Variants in CCDC158 observed in about 807,000 individuals in gnomAD.
The protein encoded by CCDC158 is coiled-coil domain-containing protein 158.
A neutral mutation model predicts 138.6 loss-of-function variants in CCDC158; 116 were observed. That is an observed-to-expected ratio of 0.84 (90% CI 0.72 to 0.98). The LOEUF (loss-of-function observed/expected upper bound fraction) is 0.98, where lower values mean the gene tolerates loss of function less well. Among genes scored for constraint, CCDC158 ranks in the 50% least tolerant of loss-of-function variants. CCDC158 has a pLI of 0.00. For synonymous variants in CCDC158, 436 were observed against 442.4 expected, an observed-to-expected ratio of 0.99 and a Z score of 0.18; for missense variants, 1,265 against 1,306.1, an observed-to-expected ratio of 0.97 and a Z score of 0.48.
In CCDC158 at chr4:76,362,305, T is replaced by C. The variant is rs1404832329; in HGVS notation, c.1841A>G (p.Asp614Gly). 4 of 1,609,368 alleles carry C rather than the reference T, an allele frequency of 2.5e-6. No homozygotes were observed. The highest frequency in any genetic ancestry group is 3.4e-6 in the Non-Finnish European group (4 of 1,177,132). The change falls in exon 13 of 25, where the codon GAT becomes GGT. Residue 614 changes from aspartate to glycine, a missense_variant. Physicochemically the swap from Asp to Gly is moderately conservative, Grantham distance 94. Transcript: ENST00000682701. ...MELKELKILK[D>G]KKDAKIRELE... Reference sequence around the variant, plus strand: ...CTCCCGGATCTTTGCATCTTTTTTATCTTTTAATATCTAAATATATGGATA... The same window carrying C: ...CTCCCGGATCTTTGCATCTTTTTTACCTTTTAATATCTAAATATATGGATA...
At position 76,357,410 on chromosome 4, in the gene CCDC158, T is replaced by C. The variant is rs376840025; in HGVS notation, c.2137A>G (p.Asn713Asp). The change falls in exon 14 of 25, where the codon AAT becomes GAT. Residue 713 changes from asparagine (N) to aspartate (D), a missense_variant. Coordinates refer to ENST00000682701, the MANE Select transcript of CCDC158 (RefSeq NM_001394954.1). Reference sequence around the variant, plus strand: ...GATCCTTCCATTGACTTTAATGTATTTCTTGTCTGTTCTAGTTCAGACTGT... The same window carrying C: ...GATCCTTCCATTGACTTTAATGTATCTCTTGTCTGTTCTAGTTCAGACTGT... ...SAQSELEQTR[N>D]TLKSMEGSDG... 6 of 1,594,564 alleles carry C rather than the reference T, an allele frequency of 3.8e-6. No individual in the cohort carries two copies. The South Asian group carries it at 7.0e-5, about 19-fold the overall frequency.
At chr4:76,333,336 A>C (rs1721171723) in intron 19 of CCDC158, among the ~76,000 whole-genome samples, 2 of 152,202 alleles carry the variant, frequency 1.3e-5, no homozygotes, top group Non-Finnish European at 2.9e-5. Flanking sequence ...CTATTATAAC[A>C]CTAAAATATA....
At chr4:76,393,773 A>T (rs1211656816) in intron 4 of CCDC158, among the ~76,000 whole-genome samples, 1 of 152,150 alleles carries the variant, frequency 6.6e-6, no homozygotes, top group East Asian at 1.9e-4. Flanking sequence ...GAGCTCAAAC[A>T]ACTCTATAGG....
intron 24 of CCDC158, among the ~76,000 whole-genome samples, chr4:76,316,728 A>G (rs1719423949): frequency 6.6e-6 from 1 of 152,142 alleles, no homozygotes; most frequent in South Asian, 2.1e-4. Context: ...CAGGTAAGCT[A>G]TAAAGGAAAA....
chr4:76,419,366 G>A (rs1294678085), intron 1 of CCDC158, among the ~76,000 whole-genome samples: 1 of 152,026 alleles, frequency 6.6e-6, no homozygotes, highest in Non-Finnish European at 1.5e-5. Flanking sequence ...TGATTTATGA[G>A]CACGCTCATA....
upstream of CCDC158, chr4:76,421,690 A>G (rs976813624): frequency 5.2e-5 from 1 of 19,126 alleles, no homozygotes. Flanking sequence ...CCCCCCTCCC[A>G]TTCCCACTCC....
chr4:76,362,972 A>G (rs971084584), intron 12 of CCDC158, among the ~76,000 whole-genome samples: 1 of 152,176 alleles, frequency 6.6e-6, no homozygotes, highest in Non-Finnish European at 1.5e-5. Flanking sequence ...AAGAGTTCAC[A>G]TAGCAGGTTT....
intron 14 of CCDC158, chr4:76,356,722 A>T (rs940627473): frequency 3.3e-5 from 5 of 152,248 alleles, no homozygotes; most frequent in Non-Finnish European, 5.9e-5. Context: ...GCACAAAAAT[A>T]AATCTTCTGA....
chr4:76,421,527 C>A (rs1390376363), upstream of CCDC158, among the ~76,000 whole-genome samples: 1 of 152,080 alleles, frequency 6.6e-6, no homozygotes, highest in Non-Finnish European at 1.5e-5. Flanking sequence ...CCGAGCGCCT[C>A]GGGCCACTCT....
intron 18 of CCDC158, among the ~76,000 whole-genome samples, chr4:76,346,581 G>A (rs756198485): frequency 2.8e-4 from 42 of 152,266 alleles, no homozygotes; most frequent in Admixed American, 5.9e-4. Context: ...ATGGTGGCAC[G>A]TGCCTGTAGT....
intron 10 of CCDC158, among the ~76,000 whole-genome samples, chr4:76,370,502 A>G (rs1252003305): frequency 2.0e-5 from 3 of 152,224 alleles, no homozygotes; most frequent in African/African-American, 7.2e-5. Context: ...CAGTGACATC[A>G]TCGGAGCTAC....
chr4:76,313,474 G>C (rs1222745207), intron 24 of CCDC158, among the ~76,000 whole-genome samples: 2 of 151,578 alleles, frequency 1.3e-5, no homozygotes, highest in African/African-American at 4.9e-5. Flanking sequence ...TTATTTTGTA[G>C]AGACAGGGTC....
intron 7 of CCDC158, 140 bp from the exon 8 acceptor site, chr4:76,382,860 G>A: frequency 1.5e-5 from 9 of 582,048 alleles, no homozygotes; most frequent in Non-Finnish European, 2.7e-5. Flanking sequence ...TTAATAACAA[G>A]TGTCTACAAC....
At chr4:76,327,016 T>G (rs1478727012) in intron 22 of CCDC158, among the ~76,000 whole-genome samples, 1 of 152,124 alleles carries the variant, frequency 6.6e-6, no homozygotes, top group Non-Finnish European at 1.5e-5. Flanking sequence ...ATATTTTTAA[T>G]TAAAATATAT....
chr4:76,386,601 T>A (rs564377017), intron 4 of CCDC158, among the ~76,000 whole-genome samples: 1 of 152,404 alleles, frequency 6.6e-6, no homozygotes, highest in African/African-American at 2.4e-5. Flanking sequence ...TTTTGTCCAA[T>A]TCTTTGTTCA....
chr4:76,366,112 T>A lies in CCDC158; in HGVS notation c.1830+1182A>T, dbSNP rs76392403. ...CACACTAGCAATCCACTAGTGATCT[T>A]CCTAAGCAAGGTAGAACAACCATCC... On this transcript the variant is annotated intron_variant, in intron 12 of 24. Transcript: ENST00000682701. 7.3e-3 allele frequency among the ~76,000 whole-genome samples: 1,110 copies of A among 152,292 alleles called. 10 individuals are homozygous for A. The highest frequency in any genetic ancestry group is 0.025 in the African/African-American group (1,059 of 41,562).
intron 18 of CCDC158, chr4:76,344,477 C>A: frequency 1.4e-6 from 1 of 722,932 alleles, no homozygotes; most frequent in East Asian, 2.5e-5. Context: ...GACTGGTGGG[C>A]AGGAGCTCAA....
Position 76,384,341 on chromosome 4 carries a change from T to C in CCDC158, c.473A>G (p.Lys158Arg), listed in dbSNP as rs936136352. The C allele has an allele frequency of 1.9e-6, 3 of 1,614,020 alleles. No homozygotes were observed. Among genetic ancestry groups the C allele is most frequent in the African/African-American group, 1.3e-5 (1 of 74,906 alleles). Reference sequence around the variant, plus strand: ...TTTCAGCATGTCCTCTTTAAGGCATTTGGCAGCTTCAAGTTCATGAACTGT... The same window carrying C: ...TTTCAGCATGTCCTCTTTAAGGCATCTGGCAGCTTCAAGTTCATGAACTGT... ...QNTVHELEAA[K>R]CLKEDMLKDS... The change falls in exon 6 of 25, where the codon AAA becomes AGA. Residue 158 changes from lysine to arginine, a missense_variant. Coordinates refer to ENST00000682701, the MANE Select transcript of CCDC158 (RefSeq NM_001394954.1).
chr4:76,418,739 C>A (rs1459432234), intron 1 of CCDC158, among the ~76,000 whole-genome samples: 1 of 152,172 alleles, frequency 6.6e-6, no homozygotes, highest in African/African-American at 2.4e-5. Flanking sequence ...CAATTACCTT[C>A]CACTGGGTCC....
Sources: gnomAD v4.1 joint callset for allele counts (sites outside exome capture counted in the v4.1 genomes callset) on GRCh38, gnomAD v4.1.1 for gene constraint, MANE v1.5 for transcripts, NCBI Gene and HGNC (gene_info 2026-07-23, HGNC 2026-07-21) for gene names.